WSB1: variants seen among roughly 807,000 people sequenced by gnomAD.
WSB1 encodes WD repeat and SOCS box-containing protein 1.
A neutral mutation model predicts 50.2 loss-of-function variants in WSB1; 23 were observed. That is an observed-to-expected ratio of 0.46 (90% CI 0.33 to 0.65). The LOEUF (loss-of-function observed/expected upper bound fraction) is 0.65. WSB1 is among the 30% of genes least tolerant of loss of function. The probability of loss-of-function intolerance (pLI) is 0.02; values close to 1 mark genes in which losing one functional copy is unlikely to be tolerated. For missense variants in WSB1, 492 were observed against 522.3 expected (o/e 0.94, Z 0.56); for synonymous variants, 179 against 172.0 (o/e 1.04, Z -0.32).
intron 1 of WSB1, among the ~76,000 whole-genome samples, chr17:27,295,554 A>G (rs2016921573): frequency 6.6e-6 from 1 of 152,166 alleles, no homozygotes; most frequent in African/African-American, 2.4e-5. Context: ...AAACACAGAA[A>G]AAAAAGGGAA....
At chr17:27,296,054 G>C (rs988590874) in intron 1 of WSB1, among the ~76,000 whole-genome samples, 1 of 151,994 alleles carries the variant, frequency 6.6e-6, no homozygotes, top group African/African-American at 2.4e-5. Flanking sequence ...GGCTGGTCTC[G>C]AACTCCCGAC....
chr17:27,315,390 A>G lies in WSB1; in HGVS notation c.*3021A>G, dbSNP rs1230809001. ...CGATAATGAAATCACTTTAAAACCT[A>G]TAACTTGATCTTAGGTTGGCAAATC... On this transcript the variant is annotated 3_prime_UTR_variant, in exon 9 of 9. Coordinates refer to ENST00000262394, the MANE Select transcript of WSB1 (RefSeq NM_015626.10). The G allele has an allele frequency of 2.0e-5, 3 of 152,250 alleles. No homozygotes were observed. Among genetic ancestry groups the G allele is most frequent in the Admixed American group, 6.5e-5 (1 of 15,282 alleles). 9.4% of individuals were successfully genotyped at this position (152,250 alleles called of 1,614,324 possible).
intron 4 of WSB1, among the ~76,000 whole-genome samples, chr17:27,306,159 GCTTAA>G (rs1468860517): frequency 7.1e-6 from 1 of 141,638 alleles, no homozygotes; most frequent in Non-Finnish European, 1.5e-5. Context: ...TGTTCCAGTT[GCTTAA>G]CTTTTAAAAT....
rs1258264488 is a variant in WSB1 at position 27,311,955 on chromosome 17, CTCTTT to C, written c.1107-249_1107-245del. 7.2e-5 allele frequency among the ~76,000 whole-genome samples: 11 copies of C among 152,052 alleles called. No homozygotes were observed. The East Asian group carries it at 2.1e-3, about 29-fold the overall frequency. On this transcript the variant is annotated intron_variant, in intron 8 of 8. Coordinates refer to ENST00000262394, the MANE Select transcript of WSB1 (RefSeq NM_015626.10). ...GAGCCACCACACCTGGCCCATTTTT[CTCTTT>C]TCTTTAAGGGCCAATTTAAGGGGGC...
chr17:27,310,276 C>A, intron 7 of WSB1, 102 bp downstream of exon 7: 1 of 993,588 alleles, frequency 1.0e-6, no homozygotes, highest in Non-Finnish European at 1.5e-6. Context: ...TCTTCCTCAA[C>A]ACAAGCCCCT....
intron 2 of WSB1, 142 bp from the exon 3 acceptor site, chr17:27,303,221 CCCTT>C (rs1340340088): frequency 1.1e-6 from 1 of 874,982 alleles, no homozygotes; most frequent in Non-Finnish European, 1.7e-6. Flanking sequence ...ATCAACCTTT[CCCTT>C]CCTATCTATA....
intron 5 of WSB1, chr17:27,308,500 C>G: frequency 2.0e-6 from 2 of 985,542 alleles, no homozygotes; most frequent in Non-Finnish European, 1.2e-6. Flanking sequence ...CATAAAATAG[C>G]ATTTTCATTT....
At chr17:27,297,631 A>G (rs897272293) in intron 1 of WSB1, among the ~76,000 whole-genome samples, 13 of 152,022 alleles carry the variant, frequency 8.6e-5, no homozygotes, top group African/African-American at 2.9e-4. Flanking sequence ...AATTTTTTAA[A>G]TTTTTTGTAG....
rs930569361 is a variant in WSB1, at chr17:27,312,589, CTG to C, written c.*223_*224del. 38 of 547,850 alleles carry C rather than the reference CTG, an allele frequency of 6.9e-5. 1 individual carries two copies. The highest frequency in any genetic ancestry group is 5.1e-4 in the Middle Eastern group (1 of 1,966). 33.9% of individuals were successfully genotyped at this position (547,850 alleles called of 1,614,324 possible). A position where few individuals can be genotyped will look rare whatever the true frequency, so the allele number is the denominator to read the frequency against. ...AATATAAATTTTTTTAAAGATCTAA[CTG>C]TGAAAACATACATACCTGTACATAT... On this transcript the variant is annotated 3_prime_UTR_variant, in exon 9 of 9. Transcript: ENST00000262394.
intron 1 of WSB1, chr17:27,297,274 T>C (rs1310919649): frequency 6.6e-6 from 1 of 152,146 alleles, no homozygotes; most frequent in African/African-American, 2.4e-5. Context: ...CAAGCAGTTC[T>C]CCTGCCTCAC....
chr17:27,309,307 C>A, intron 6 of WSB1, 35 bp downstream of exon 6: 2 of 1,446,294 alleles, frequency 1.4e-6, no homozygotes. Flanking sequence ...GTCTATAATT[C>A]ATCTCCACCT....
At chr17:27,302,544 G>A (rs2017280176) in intron 2 of WSB1, 1 of 152,010 alleles carries the variant, frequency 6.6e-6, no homozygotes, top group African/African-American at 2.4e-5. Flanking sequence ...CTTCTGTGAT[G>A]TGAAGCTTTT....
chr17:27,309,092 T>C lies in WSB1; in HGVS notation c.712-8T>C, dbSNP rs1471831206. On this transcript the variant is annotated splice_polypyrimidine_tract_variant and splice_region_variant and intron_variant, in intron 5 of 8. Transcript: ENST00000262394. ...AATGAAGCTATAACATTTGCCTTTT[T>C]ATTGCAGGTTTTCCTTTGGAATATG... 2.5e-6 allele frequency: 4 copies of C among 1,592,700 alleles called. No homozygotes were observed. In the South Asian group the frequency reaches 4.5e-5, roughly 18 times the overall value.
intron 1 of WSB1, 87 bp downstream of exon 1, chr17:27,294,522 G>C: frequency 6.4e-7 from 1 of 1,568,010 alleles, no homozygotes; most frequent in Non-Finnish European, 8.7e-7. Flanking sequence ...GCGACTCCAA[G>C]TCTGAGGGAA....
chr17:27,295,439 A>G (rs1349686789), intron 1 of WSB1, among the ~76,000 whole-genome samples: 1 of 152,198 alleles, frequency 6.6e-6, no homozygotes, highest in Non-Finnish European at 1.5e-5. Context: ...GTGAATTTTT[A>G]TATCTAGAAA....
chr17:27,308,219 AC>A lies in WSB1; in HGVS notation c.712-879del, dbSNP rs1437142074. 589 of 959,558 alleles carry A rather than the reference AC, an allele frequency of 6.1e-4. 2 individuals are homozygous for A. In the African/African-American group the frequency reaches 9.7e-3, roughly 16 times the overall value. The allele number at this position is 959,558 out of a possible 1,614,324, so 59.4% of individuals were successfully genotyped here. ...TTGTGTCTGTGCAGAAAAAAAAAAA[AC>A]CAAAAAGGATTGCTTTACTCCAAGA... is the stretch of plus-strand genomic sequence containing the variant. On this transcript the variant is annotated intron_variant, in intron 5 of 8. Transcript: ENST00000262394.
chr17:27,303,598 G>A lies in WSB1; in HGVS notation c.441G>A (p.Leu147=). 3.1e-6 allele frequency: 5 copies of A among 1,614,112 alleles called. No individual in the cohort carries two copies. Among genetic ancestry groups the A allele is most frequent in the Non-Finnish European group, 4.2e-6 (5 of 1,180,010 alleles). Residue 147 remains leucine, a synonymous_variant, in exon 3 of 9, where the codon TTG becomes TTA. Transcript: ENST00000262394. ...GQDQLLLATG[L]NNGRIKIWDV... The stretch of plus-strand genomic sequence containing the variant: ...ATCAGCTACTTCTTGCTACAGGGTT[G>A]AACAATGGGCGTATCAAAATATGGG...
In WSB1 at chr17:27,294,138, T is replaced by G. The variant is rs867973390; in HGVS notation, c.-258T>G. On this transcript the variant is annotated 5_prime_UTR_variant, in exon 1 of 9. Transcript: ENST00000262394. Reference sequence around the variant, plus strand: ...CAGTGTCTCGTTTGCAGTCGGCGCTTTAGGGGAACTGTCTTCCTCCGCAGG... The same window carrying G: ...CAGTGTCTCGTTTGCAGTCGGCGCTGTAGGGGAACTGTCTTCCTCCGCAGG... The G allele has an allele frequency of 1.4e-4, 44 of 318,898 alleles. No homozygotes were observed. The highest frequency in any genetic ancestry group is 8.8e-4 in the African/African-American group (41 of 46,550). The allele number at this position is 318,898 out of a possible 1,614,324, so 19.8% of individuals were successfully genotyped here.
At chr17:27,303,778 A>C (rs1334201507) in intron 3 of WSB1, 143 bp downstream of exon 3, 1 of 968,108 alleles carries the variant, frequency 1.0e-6, no homozygotes, top group Non-Finnish European at 1.5e-6. Context: ...AATAGACCTG[A>C]ATGTCACCTT....
Sources: allele counts gnomAD v4.1 joint callset (sites outside exome capture counted in the v4.1 genomes callset), GRCh38; gene constraint gnomAD v4.1.1; transcripts MANE v1.5; gene names NCBI Gene and HGNC (gene_info 2026-07-23, HGNC 2026-07-21).